The following DPP10 variants were observed in gnomAD, a reference collection of about 807,000 sequenced individuals.
DPP10 encodes the protein inactive dipeptidyl peptidase 10.
In DPP10, 33 loss-of-function variants were observed where a neutral mutation model predicts 120.9. That is an observed-to-expected ratio of 0.27 (90% CI 0.21 to 0.37). DPP10 has a LOEUF of 0.37. Among genes scored for constraint, DPP10 ranks in the 10% least tolerant of loss-of-function variants. The pLI is 1.00. For synonymous variants in DPP10, 337 were observed against 326.1 expected (o/e 1.03, Z -0.36); for missense variants, 816 against 942.8 (o/e 0.87, Z 1.76).
At chr2:114,725,145 C>T (rs1383940827) in intron 1 of DPP10, among the ~76,000 whole-genome samples, 1 of 152,130 alleles carries the variant, frequency 6.6e-6, no homozygotes, top group African/African-American at 2.4e-5. Flanking sequence ...CTTCCCAGGG[C>T]AACTTGGAAA....
At chr2:114,861,922 AAGAG>A (rs1182940878) in intron 1 of DPP10, among the ~76,000 whole-genome samples, 1 of 152,190 alleles carries the variant, frequency 6.6e-6, no homozygotes, top group African/African-American at 2.4e-5. Flanking sequence ...ACCCCGAGAA[AAGAG>A]AGATTTTGTC....
chr2:115,356,039 G>A (rs1417946046), intron 3 of DPP10, among the ~76,000 whole-genome samples: 1 of 152,032 alleles, frequency 6.6e-6, no homozygotes, highest in African/African-American at 2.4e-5. Context: ...GGCTATACAG[G>A]GTCTTCTTTG....
chr2:114,869,041 T>A (rs756724057), intron 1 of DPP10, among the ~76,000 whole-genome samples: 9 of 152,080 alleles, frequency 5.9e-5, no homozygotes, highest in Non-Finnish European at 1.3e-4. Flanking sequence ...ACTCAGTAAG[T>A]GAAAGTTGCT....
intron 5 of DPP10, among the ~76,000 whole-genome samples, chr2:115,656,048 T>A (rs2088292097): frequency 6.6e-6 from 1 of 151,534 alleles, no homozygotes; most frequent in South Asian, 2.1e-4. Flanking sequence ...ATATCTGATG[T>A]GTAACATAGT....
intron 1 of DPP10, among the ~76,000 whole-genome samples, chr2:114,449,469 CTTTT>C (rs75538905): frequency 3.6e-5 from 5 of 139,884 alleles, no homozygotes; most frequent in Non-Finnish European, 7.9e-5. Context: ...TGATGTTTTT[CTTTT>C]TTTTTTTTTT....
rs1687497165 is a variant in DPP10 at position 114,834,617 on chromosome 2, G to GCCATATCTACA, written c.60+391780_60+391781insCATATCTACAC. The stretch of plus-strand genomic sequence containing the variant: ...CTATGTATATATAAGCCATATCTAA[G>GCCATATCTACA]CACCTATGTATATATAAGCCATATC... On this transcript the variant is annotated intron_variant, in intron 1 of 25. Coordinates refer to ENST00000410059, the MANE Select transcript of DPP10 (RefSeq NM_020868.6). 2.2e-5 allele frequency among the ~76,000 whole-genome samples: 2 copies of GCCATATCTACA among 90,884 alleles called. 1 individual carries two copies. The allele number at this position is 90,884 out of a possible 152,430, so 59.6% of individuals were successfully genotyped here.
At chr2:115,286,610 G>C (rs1401827915) in intron 1 of DPP10, among the ~76,000 whole-genome samples, 2 of 142,958 alleles carry the variant, frequency 1.4e-5, no homozygotes, top group Non-Finnish European at 3.1e-5. Context: ...CTGGGATAGT[G>C]TTTGAGAATG....
chr2:114,847,688 A>G (rs6745105), intron 1 of DPP10, among the ~76,000 whole-genome samples: 38,362 of 152,132 alleles, frequency 0.25, 8,510 homozygotes, highest in African/African-American at 0.6. Flanking sequence ...TTACTTACAC[A>G]GTATGATTTT....
Position 115,318,460 on chromosome 2 carries a change from A to G in DPP10, c.175+9107A>G, listed in dbSNP as rs188314344. Among the ~76,000 whole-genome samples the G allele has an allele frequency of 2.3e-3, 355 of 152,216 alleles. 1 individual carries two copies. The highest frequency in any genetic ancestry group is 7.8e-3 in the African/African-American group (324 of 41,570). ...ATTAGCTTTTTTATTTCTGCAAGAAAGCCAGTTGGGATTTTAATAGTAATT... is the reference window on the plus strand; with the variant it reads ...ATTAGCTTTTTTATTTCTGCAAGAAGGCCAGTTGGGATTTTAATAGTAATT... On this transcript the variant is annotated intron_variant, in intron 2 of 25. Coordinates refer to ENST00000410059, the MANE Select transcript of DPP10 (RefSeq NM_020868.6).
chr2:115,422,030 A>G (rs1339938321), intron 3 of DPP10, among the ~76,000 whole-genome samples: 1 of 152,078 alleles, frequency 6.6e-6, no homozygotes, highest in Non-Finnish European at 1.5e-5. Flanking sequence ...ACTACAACTC[A>G]CTAGGTTTGA....
intron 1 of DPP10, among the ~76,000 whole-genome samples, chr2:114,503,181 G>A (rs1231009811): frequency 6.6e-6 from 1 of 152,158 alleles, no homozygotes; most frequent in African/African-American, 2.4e-5. Flanking sequence ...TGCTCTAAGT[G>A]CTACTCGACT....
chr2:114,460,817 C>A, intron 1 of DPP10, among the ~76,000 whole-genome samples: 1 of 152,098 alleles, frequency 6.6e-6, no homozygotes, highest in East Asian at 1.9e-4. Flanking sequence ...ATGTTTTTCT[C>A]TGAACAAAAT....
At chr2:115,306,228 G>A (rs1266618027) in intron 1 of DPP10, among the ~76,000 whole-genome samples, 1 of 151,928 alleles carries the variant, frequency 6.6e-6, no homozygotes, top group African/African-American at 2.4e-5. Flanking sequence ...AGTCATATCT[G>A]GCTTGCATAA....
At position 114,543,512 on chromosome 2, in the gene DPP10, G is replaced by A. The variant is rs1219973590; in HGVS notation, c.60+100674G>A. Among the ~76,000 whole-genome samples the A allele has an allele frequency of 3.9e-5, 6 of 152,164 alleles. No individual in the cohort carries two copies. In the South Asian group the frequency reaches 8.3e-4, roughly 21 times the overall value. The stretch of plus-strand genomic sequence containing the variant: ...TTCTCCTTTCCTGCGAATGCTTCAC[G>A]CCGCCTCCTGGTGACCAAATAAAGC... On this transcript the variant is annotated intron_variant, in intron 1 of 25. Coordinates refer to ENST00000410059, the MANE Select transcript of DPP10 (RefSeq NM_020868.6).
intron 1 of DPP10, among the ~76,000 whole-genome samples, chr2:114,634,087 T>G (rs946134889): frequency 6.6e-6 from 1 of 151,976 alleles, no homozygotes; most frequent in Non-Finnish European, 1.5e-5. Flanking sequence ...GAGGTAATAC[T>G]GTCTTCAACA....
chr2:114,821,925 A>C (rs1354024799), intron 1 of DPP10, among the ~76,000 whole-genome samples: 1 of 152,016 alleles, frequency 6.6e-6, no homozygotes, highest in Admixed American at 6.6e-5. Context: ...GGCTGCTTTC[A>C]TGGGCTGGAG....
At chr2:114,898,912 G>C (rs1483416206) in intron 1 of DPP10, among the ~76,000 whole-genome samples, 1 of 152,060 alleles carries the variant, frequency 6.6e-6, no homozygotes, top group Non-Finnish European at 1.5e-5. Flanking sequence ...AACAACTGCA[G>C]GTCATTAATT....
intron 7 of DPP10, among the ~76,000 whole-genome samples, chr2:115,706,063 A>G (rs1401330522): frequency 6.6e-6 from 1 of 151,986 alleles, no homozygotes; most frequent in Non-Finnish European, 1.5e-5. Context: ...TTTGCAATGT[A>G]TTTAGGTATA....
At chr2:115,746,273 C>T (rs1272780112) in intron 10 of DPP10, 90 bp downstream of exon 10, 2 of 1,106,874 alleles carry the variant, frequency 1.8e-6, no homozygotes, top group Non-Finnish European at 2.7e-6. Context: ...ATGTGATCAG[C>T]TCAACAAATC....
Sources: gnomAD v4.1 joint callset for allele counts (sites outside exome capture counted in the v4.1 genomes callset) on GRCh38, gnomAD v4.1.1 for gene constraint, MANE v1.5 for transcripts, NCBI Gene and HGNC (gene_info 2026-07-23, HGNC 2026-07-21) for gene names.